Variants in NRCAM observed in about 807,000 individuals in gnomAD.
NRCAM encodes neuronal cell adhesion molecule.
Under a neutral mutation model 156.5 loss-of-function variants are expected in NRCAM, and 83 were observed. That is an observed-to-expected ratio of 0.53 (90% CI 0.44 to 0.64). The LOEUF is 0.64. Among genes scored for constraint, NRCAM ranks in the 30% least tolerant of loss-of-function variants. The probability of loss-of-function intolerance (pLI) is 0.00; values close to 1 mark genes in which losing one functional copy is unlikely to be tolerated. For missense variants in NRCAM, 1,417 were observed against 1,597.3 expected (o/e 0.89, Z 1.92); for synonymous variants, 538 against 563.9 (o/e 0.95, Z 0.65).
At chr7:108,206,741 C>T (rs943192810) in intron 13 of NRCAM, among the ~76,000 whole-genome samples, 1 of 152,100 alleles carries the variant, frequency 6.6e-6, no homozygotes, top group African/African-American at 2.4e-5. Flanking sequence ...AGCCTTTAGC[C>T]AAGTTTTGTA....
intron 2 of NRCAM, among the ~76,000 whole-genome samples, chr7:108,347,782 C>T (rs894406696): frequency 6.6e-6 from 1 of 152,196 alleles, no homozygotes; most frequent in African/African-American, 2.4e-5. Context: ...GTGAGGAATG[C>T]CTCAAGGCTG....
chr7:108,365,468 T>C (rs1353203446), intron 2 of NRCAM, among the ~76,000 whole-genome samples: 1 of 152,208 alleles, frequency 6.6e-6, no homozygotes, highest in Admixed American at 6.5e-5. Flanking sequence ...GTATATATTG[T>C]AGAATGATAA....
intron 1 of NRCAM, among the ~76,000 whole-genome samples, chr7:108,427,093 G>C (rs1234291063): frequency 6.6e-6 from 1 of 152,092 alleles, no homozygotes; most frequent in Non-Finnish European, 1.5e-5. Flanking sequence ...CTTTCCTCTA[G>C]AATGCCCACT....
chr7:108,423,720 A>G (rs1813317011), intron 1 of NRCAM, among the ~76,000 whole-genome samples: 1 of 152,222 alleles, frequency 6.6e-6, no homozygotes. Flanking sequence ...TGACCTTCTT[A>G]AACAGAATCT....
chr7:108,247,729 T>C (rs549068356), intron 3 of NRCAM, among the ~76,000 whole-genome samples: 1 of 152,340 alleles, frequency 6.6e-6, no homozygotes, highest in Admixed American at 6.5e-5. Flanking sequence ...AGTCCAATAT[T>C]GTTAGTCTAT....
At chr7:108,267,430 A>G (rs564284924) in intron 3 of NRCAM, among the ~76,000 whole-genome samples, 2 of 152,226 alleles carry the variant, frequency 1.3e-5, no homozygotes, top group African/African-American at 4.8e-5. Flanking sequence ...GTTCTTGGGC[A>G]CTTGGCTTTG....
intron 3 of NRCAM, among the ~76,000 whole-genome samples, chr7:108,268,331 G>A (rs1250434092): frequency 6.6e-6 from 1 of 152,124 alleles, no homozygotes; most frequent in Non-Finnish European, 1.5e-5. Flanking sequence ...TCCTGTCAAT[G>A]GCTGGGTCTG....
rs1280214538 is a variant in NRCAM, at chr7:108,168,341, A to G, written c.3249T>C (p.Asn1083=). The G allele has an allele frequency of 6.2e-7, 1 of 1,610,544 alleles. No homozygotes were observed. The stretch of plus-strand genomic sequence containing the variant: ...CTGGTCCCTCATATTCCCAACTGAT[A>G]TTGGCATAGGTCTCAGCAGCTGCAG... The part of the protein sequence containing the change: ...LTAAAAETYA[N]ISWEYEGPEH... Residue 1083 remains asparagine (N), a synonymous_variant, in exon 29 of 33, where the codon AAT becomes AAC. Transcript: ENST00000379028.
At position 108,323,049 on chromosome 7, in the gene NRCAM, G is replaced by A. The variant is rs368794665; in HGVS notation, c.-173-10318C>T. Among the ~76,000 whole-genome samples the A allele has an allele frequency of 2.0e-5, 3 of 152,168 alleles. No individual in the cohort carries two copies. The East Asian group carries it at 5.8e-4, about 29-fold the overall frequency. On this transcript the variant is annotated intron_variant, in intron 2 of 32. Coordinates refer to ENST00000379028, the MANE Select transcript of NRCAM (RefSeq NM_001037132.4). ...TAAGTGCTGTATAAATGTTACCGGTGTTATGAGAGCTTGGTTTTATTGTCA... is the reference window on the plus strand; with the variant it reads ...TAAGTGCTGTATAAATGTTACCGGTATTATGAGAGCTTGGTTTTATTGTCA...
intron 3 of NRCAM, among the ~76,000 whole-genome samples, chr7:108,276,762 A>G (rs1322381964): frequency 6.6e-6 from 1 of 152,176 alleles, no homozygotes; most frequent in Non-Finnish European, 1.5e-5. Flanking sequence ...TTAGGTGTGA[A>G]TTTGATCCTG....
intron 1 of NRCAM, among the ~76,000 whole-genome samples, chr7:108,450,219 G>A (rs921864812): frequency 1.3e-5 from 2 of 151,324 alleles, no homozygotes; most frequent in Non-Finnish European, 2.9e-5. Flanking sequence ...GTGAGTACAG[G>A]AGCATTAGTG....
intron 3 of NRCAM, among the ~76,000 whole-genome samples, chr7:108,292,311 AT>A (rs2098325507): frequency 6.6e-6 from 1 of 152,128 alleles, no homozygotes; most frequent in Non-Finnish European, 1.5e-5. Context: ...TTGGCACTAG[AT>A]GCTTATTCTG....
chr7:108,196,382 C>G (rs1327153989), intron 14 of NRCAM, among the ~76,000 whole-genome samples: 1 of 152,104 alleles, frequency 6.6e-6, no homozygotes, highest in African/African-American at 2.4e-5. Context: ...AGATAGTCAA[C>G]AAAGTGAAGA....
intron 1 of NRCAM, among the ~76,000 whole-genome samples, chr7:108,416,382 G>A (rs897704940): frequency 6.6e-5 from 10 of 152,142 alleles, no homozygotes; most frequent in East Asian, 1.9e-4. Flanking sequence ...ACTGCCTCAC[G>A]GGGGAAAAGA....
At chr7:108,234,948 T>C (rs2094771867) in intron 5 of NRCAM, 1 of 590,298 alleles carries the variant, frequency 1.7e-6, no homozygotes, top group Admixed American at 2.3e-5. Flanking sequence ...TTTGGGGAAA[T>C]AATTATCAAT....
chr7:108,198,474 T>G (rs186694432), intron 13 of NRCAM, among the ~76,000 whole-genome samples: 121 of 152,274 alleles, frequency 7.9e-4, no homozygotes, highest in African/African-American at 2.8e-3. Flanking sequence ...ATGTGCCATG[T>G]TGAACACCAA....
chr7:108,182,789 T>C lies in NRCAM; in HGVS notation c.2436A>G (p.Pro812=). ...CTTTGATCAGGTATGGAACAAAGGT[T>C]GGCGTGCCTGAGACAATATATTTGG... ...NVSKYIVSGT[P]TFVPYLIKVQ... Residue 812 remains proline, a synonymous_variant, in exon 23 of 33, where the codon CCA becomes CCG. Transcript: ENST00000379028. 6.2e-7 allele frequency: 1 copy of C among 1,614,232 alleles called. No homozygotes were observed. The highest frequency in any genetic ancestry group is 8.5e-7 in the Non-Finnish European group (1 of 1,180,040).
chr7:108,273,665 G>A (rs2097467582), intron 3 of NRCAM, among the ~76,000 whole-genome samples: 1 of 151,804 alleles, frequency 6.6e-6, no homozygotes, highest in African/African-American at 2.4e-5. Context: ...TGAGTAGATT[G>A]CAAAAATTTT....
chr7:108,259,829 A>G (rs1215171797), intron 3 of NRCAM, among the ~76,000 whole-genome samples: 1 of 152,146 alleles, frequency 6.6e-6, no homozygotes, highest in Non-Finnish European at 1.5e-5. Flanking sequence ...AACAACACAC[A>G]CTGGGGCCTG....
Sources: allele counts gnomAD v4.1 joint callset (sites outside exome capture counted in the v4.1 genomes callset), GRCh38; gene constraint gnomAD v4.1.1; transcripts MANE v1.5; gene names NCBI Gene and HGNC (gene_info 2026-07-23, HGNC 2026-07-21).